The following LYPLAL1 variants were observed in gnomAD, a reference collection of about 807,000 sequenced individuals.
LYPLAL1 encodes lysophospholipase like 1.
Under a neutral mutation model 19.7 loss-of-function variants are expected in LYPLAL1, and 23 were observed. The ratio of observed to expected loss-of-function variants is 1.17; its 90% CI spans 0.84 to 1.65. LYPLAL1 has a LOEUF of 1.65. Ranked by LOEUF, LYPLAL1 falls within the 40% of genes most tolerant of loss-of-function variation. The pLI is 0.00. For synonymous variants in LYPLAL1, 119 were observed against 96.3 expected, an observed-to-expected ratio of 1.24 and a Z score of -1.38; for missense variants, 355 against 279.4, an observed-to-expected ratio of 1.27 and a Z score of -1.93.
chr1:219,233,357 A>G, the LYPLAL1 span, among the ~76,000 whole-genome samples: 1 of 152,338 alleles, frequency 6.6e-6, no homozygotes, highest in East Asian at 1.9e-4. Context: ...AGGGAGTGAT[A>G]GGGAATTGTA....
chr1:219,309,600 G>A, the LYPLAL1 span, among the ~76,000 whole-genome samples: 1 of 152,134 alleles, frequency 6.6e-6, no homozygotes, highest in South Asian at 2.1e-4. Flanking sequence ...TCTCGTGGTT[G>A]TGAATAAATC....
rs1459319569 is a variant in LYPLAL1 at position 219,212,705 on chromosome 1, T to G, written c.*977T>G. 6.6e-6 allele frequency: 1 copy of G among 152,040 alleles called. No individual in the cohort carries two copies. Among genetic ancestry groups the G allele is most frequent in the Non-Finnish European group, 1.5e-5 (1 of 67,928 alleles). 9.4% of individuals were successfully genotyped at this position (152,040 alleles called of 1,614,324 possible). On this transcript the variant is annotated 3_prime_UTR_variant, in exon 5 of 5. Transcript: ENST00000366928. The stretch of plus-strand genomic sequence containing the variant: ...TCATTCAACAAAATTATCATGAGAT[T>G]TTTCCATGTTGTGTACATCAATAGT...
the LYPLAL1 span, among the ~76,000 whole-genome samples, chr1:219,220,433 A>G: frequency 1.3e-5 from 2 of 150,788 alleles, no homozygotes; most frequent in Non-Finnish European, 2.9e-5. Flanking sequence ...AGGGAAAAGA[A>G]GGACTTTTCC....
In LYPLAL1 at chr1:219,211,534, T is replaced by C. The variant is rs1659040848; in HGVS notation, c.520T>C (p.Cys174Arg). Reference sequence around the variant, plus strand: ...TGGTGTACTTCCTGAATTATTTCAGTGTCATGGTACTGCAGATGAGTTAGT... The same window carrying C: ...TGGTGTACTTCCTGAATTATTTCAGCGTCATGGTACTGCAGATGAGTTAGT... ...SNGVLPELFQ[C>R]HGTADELVLH... The change falls in exon 5 of 5, where the codon TGT becomes CGT. Residue 174 changes from cysteine (C) to arginine (R), a missense_variant. Cys to Arg is a radical substitution (Grantham distance 180, BLOSUM62 -3). Coordinates refer to ENST00000366928, the MANE Select transcript of LYPLAL1 (RefSeq NM_138794.5). 4 of 1,612,948 alleles carry C rather than the reference T, an allele frequency of 2.5e-6. No homozygotes were observed. Among genetic ancestry groups the C allele is most frequent in the Non-Finnish European group, 3.4e-6 (4 of 1,179,214 alleles).
chr1:219,264,726 T>A, the LYPLAL1 span, among the ~76,000 whole-genome samples: 1 of 152,226 alleles, frequency 6.6e-6, no homozygotes. Flanking sequence ...TGCCTCCCAC[T>A]GTTTTCCTTT....
chr1:219,399,006 C>T, the LYPLAL1 span, among the ~76,000 whole-genome samples: 24,893 of 152,224 alleles, frequency 0.16, 2,119 homozygotes, highest in East Asian at 0.27. Flanking sequence ...AGTGCAGTGA[C>T]AGTGTGATCC....
At chr1:219,361,367 C>T in the LYPLAL1 span, among the ~76,000 whole-genome samples, 1 of 152,160 alleles carries the variant, frequency 6.6e-6, no homozygotes, top group Non-Finnish European at 1.5e-5. Flanking sequence ...CCTTTCACTT[C>T]AAGAGCCTAA....
the LYPLAL1 span, among the ~76,000 whole-genome samples, chr1:219,425,001 A>G: frequency 6.6e-6 from 1 of 152,202 alleles, no homozygotes; most frequent in Non-Finnish European, 1.5e-5. Context: ...AACCGTTCAA[A>G]CTACAATAAC....
the LYPLAL1 span, among the ~76,000 whole-genome samples, chr1:219,363,215 G>C: frequency 1.3e-5 from 2 of 152,102 alleles, no homozygotes; most frequent in Non-Finnish European, 2.9e-5. Flanking sequence ...ACTGTTGCTA[G>C]GAATGTCTAT....
the LYPLAL1 span, among the ~76,000 whole-genome samples, chr1:219,298,877 T>C: frequency 1.3e-5 from 2 of 152,178 alleles, no homozygotes; most frequent in African/African-American, 2.4e-5. Context: ...ATAAATTAGC[T>C]TTGACTGCCA....
chr1:219,210,780 G>T, intron 4 of LYPLAL1, 133 bp downstream of exon 4: 3 of 756,988 alleles, frequency 4.0e-6, no homozygotes, highest in Non-Finnish European at 5.9e-6. Context: ...ACCATTCCTG[G>T]AATTCATGGC....
chr1:219,201,800 C>T (rs1658125678), intron 3 of LYPLAL1, among the ~76,000 whole-genome samples: 2 of 152,144 alleles, frequency 1.3e-5, no homozygotes, highest in Admixed American at 1.3e-4. Flanking sequence ...ACAAAACACA[C>T]GTTTCTTGAC....
At chr1:219,347,926 A>T in the LYPLAL1 span, among the ~76,000 whole-genome samples, 2 of 152,180 alleles carry the variant, frequency 1.3e-5, no homozygotes, top group Non-Finnish European at 1.5e-5. Flanking sequence ...AAAGCTTAAA[A>T]TATGTTCCTT....
chr1:219,239,228 A>G, the LYPLAL1 span, among the ~76,000 whole-genome samples: 71 of 152,322 alleles, frequency 4.7e-4, no homozygotes, highest in African/African-American at 1.7e-3. Context: ...TATAAAATAA[A>G]TGAGAGAGCT....
the LYPLAL1 span, among the ~76,000 whole-genome samples, chr1:219,226,524 A>G: frequency 6.6e-6 from 1 of 152,166 alleles, no homozygotes; most frequent in Non-Finnish European, 1.5e-5. Context: ...CAGCACATCA[A>G]ATAGATAGCT....
chr1:219,214,251 A>G (rs891212896), downstream of LYPLAL1, among the ~76,000 whole-genome samples: 2 of 152,032 alleles, frequency 1.3e-5, no homozygotes, highest in African/African-American at 4.8e-5. Context: ...TATAATTTTT[A>G]TATATTGCTG....
At chr1:219,263,922 A>G in the LYPLAL1 span, among the ~76,000 whole-genome samples, 1 of 151,960 alleles carries the variant, frequency 6.6e-6, no homozygotes, top group Admixed American at 6.6e-5. Context: ...CTTCCGCAGG[A>G]TCTGTGAACT....
At chr1:219,283,448 G>T in the LYPLAL1 span, among the ~76,000 whole-genome samples, 2 of 152,170 alleles carry the variant, frequency 1.3e-5, no homozygotes, top group Non-Finnish European at 1.5e-5. Flanking sequence ...GCAGTTTAGC[G>T]TATTTGCCTC....
chr1:219,408,255 A>G, the LYPLAL1 span, among the ~76,000 whole-genome samples: 1 of 152,336 alleles, frequency 6.6e-6, no homozygotes, highest in South Asian at 2.1e-4. Context: ...TGTTGAGAGC[A>G]ATAAAATATG....
Sources: gnomAD v4.1 joint callset for allele counts (sites outside exome capture counted in the v4.1 genomes callset) on GRCh38, gnomAD v4.1.1 for gene constraint, MANE v1.5 for transcripts, NCBI Gene and HGNC (gene_info 2026-07-23, HGNC 2026-07-21) for gene names.